The following IMPG1 variants were observed in gnomAD, a reference collection of about 807,000 sequenced individuals.
IMPG1 encodes interphotoreceptor matrix proteoglycan 1, also known as interphotoreceptor matrix proteoglycan of 150 kDa.
In IMPG1, 85 loss-of-function variants were observed where a neutral mutation model predicts 92.0. The observed-to-expected ratio is 0.92, with a 90% CI of 0.78 to 1.11. The LOEUF (loss-of-function observed/expected upper bound fraction) is 1.11. Ranked by LOEUF, IMPG1 falls within the 50% of genes least tolerant of loss-of-function variation. The probability of loss-of-function intolerance (pLI) is 0.00; values close to 1 mark genes in which losing one functional copy is unlikely to be tolerated. For missense variants in IMPG1, 1,022 were observed against 956.0 expected, an observed-to-expected ratio of 1.07 and a Z score of -0.91; for synonymous variants, 367 against 334.1, an observed-to-expected ratio of 1.10 and a Z score of -1.08.
At chr6:76,062,264 G>A (rs577681945) in intron 1 of IMPG1, among the ~76,000 whole-genome samples, 34 of 152,278 alleles carry the variant, frequency 2.2e-4, no homozygotes, top group African/African-American at 8.2e-4. Context: ...TTATTGCAAT[G>A]TTATTTGCCA....
intron 12 of IMPG1, among the ~76,000 whole-genome samples, chr6:75,963,565 A>G (rs1395980735): frequency 1.3e-5 from 2 of 152,262 alleles, no homozygotes; most frequent in Non-Finnish European, 2.9e-5. Flanking sequence ...TGTCCTTTCA[A>G]TAAAAAGCTG....
intron 2 of IMPG1, among the ~76,000 whole-genome samples, chr6:76,040,474 G>A (rs533231918): frequency 3.3e-5 from 5 of 152,280 alleles, no homozygotes; most frequent in African/African-American, 9.6e-5. Flanking sequence ...AGGCACACTC[G>A]AAATTAGTAA....
Position 75,950,983 on chromosome 6 carries a change from A to G in IMPG1, c.1403T>C (p.Met468Thr), listed in dbSNP as rs751382881. The G allele has an allele frequency of 6.2e-7, 1 of 1,613,936 alleles. No homozygotes were observed. The highest frequency in any genetic ancestry group is 1.7e-5 in the Admixed American group (1 of 59,984). Residue 468 changes from methionine (M) to threonine (T), a missense_variant, in exon 13 of 17, where the codon ATG becomes ACG. Coordinates refer to ENST00000369950, the MANE Select transcript of IMPG1 (RefSeq NM_001563.4). ...TACTAGCATTGTCTGGTCAGTGGCCATTGTATCTGTGGTGCCTTGATCAGT... is the reference window on the plus strand; with the variant it reads ...TACTAGCATTGTCTGGTCAGTGGCCGTTGTATCTGTGGTGCCTTGATCAGT... ...SLTDQGTTDT[M>T]ATDQTMLVPG...
intron 12 of IMPG1, among the ~76,000 whole-genome samples, chr6:75,980,883 T>A (rs1163536406): frequency 6.6e-6 from 1 of 152,196 alleles, no homozygotes; most frequent in Non-Finnish European, 1.5e-5. Context: ...TAGAGAACCC[T>A]GTGTGTTGGA....
At chr6:75,928,633 T>C (rs951200366) in intron 15 of IMPG1, 5 of 152,212 alleles carry the variant, frequency 3.3e-5, no homozygotes, top group African/African-American at 1.2e-4. Context: ...AAAAAAAATG[T>C]ACACAAGTGA....
At chr6:75,931,991 G>A (rs1169169822) in intron 14 of IMPG1, among the ~76,000 whole-genome samples, 5 of 152,346 alleles carry the variant, frequency 3.3e-5, no homozygotes, top group East Asian at 3.9e-4. Context: ...AACCAGAACA[G>A]GCCTCTTGTC....
chr6:76,065,160 G>A (rs144190069), intron 1 of IMPG1, among the ~76,000 whole-genome samples: 2 of 152,214 alleles, frequency 1.3e-5, no homozygotes, highest in African/African-American at 4.8e-5. Context: ...AAGAAACTCT[G>A]TGAAACTCTG....
chr6:76,032,391 A>C (rs1783666967), intron 4 of IMPG1, among the ~76,000 whole-genome samples: 1 of 152,190 alleles, frequency 6.6e-6, no homozygotes, highest in Admixed American at 6.5e-5. Context: ...TTTGTGAGCA[A>C]AGGTAATACT....
intron 12 of IMPG1, among the ~76,000 whole-genome samples, chr6:75,965,553 T>G (rs1782292070): frequency 6.6e-6 from 1 of 151,940 alleles, no homozygotes; most frequent in African/African-American, 2.4e-5. Context: ...GCTCATTTTC[T>G]ACTGGAATTT....
Position 76,060,214 on chromosome 6 carries a change from T to C in IMPG1, c.67+12208A>G, listed in dbSNP as rs539369983. On this transcript the variant is annotated intron_variant, in intron 1 of 16. Transcript: ENST00000369950. Reference sequence around the variant, plus strand: ...CTTTACAAAGGCACACAGAAAGACATTGTTTCCTCAAGAATGAGTGAATGT... The same window carrying C: ...CTTTACAAAGGCACACAGAAAGACACTGTTTCCTCAAGAATGAGTGAATGT... 3.3e-5 allele frequency among the ~76,000 whole-genome samples: 5 copies of C among 152,318 alleles called. 1 individual carries two copies. The highest frequency in any genetic ancestry group is 9.6e-5 in the African/African-American group (4 of 41,586).
At chr6:75,944,676 A>G (rs989208252) in intron 14 of IMPG1, among the ~76,000 whole-genome samples, 1 of 152,242 alleles carries the variant, frequency 6.6e-6, no homozygotes, top group African/African-American at 2.4e-5. Flanking sequence ...AGTATGAACT[A>G]TAAGTTCACC....
At chr6:75,960,349 G>A (rs1180185773) in intron 12 of IMPG1, among the ~76,000 whole-genome samples, 1 of 152,160 alleles carries the variant, frequency 6.6e-6, no homozygotes, top group Non-Finnish European at 1.5e-5. Context: ...GATGTTTTTT[G>A]TGACATCTTA....
chr6:76,003,859 G>A lies in IMPG1; in HGVS notation c.1212+15C>T. On this transcript the variant is annotated intron_variant, in intron 11 of 16. Coordinates refer to ENST00000369950, the MANE Select transcript of IMPG1 (RefSeq NM_001563.4). ...CTTTGTTCCTAGTTAAAGAACAAAA[G>A]GACAACAAACTTACCTCTGTTATAA... is the stretch of plus-strand genomic sequence containing the variant. 1.3e-6 allele frequency: 2 copies of A among 1,597,128 alleles called. No individual in the cohort carries two copies. Among genetic ancestry groups the A allele is most frequent in the Non-Finnish European group, 1.7e-6 (2 of 1,167,900 alleles).
intron 12 of IMPG1, among the ~76,000 whole-genome samples, chr6:76,001,741 C>G (rs999804819): frequency 6.6e-6 from 1 of 152,178 alleles, no homozygotes. Context: ...GAAAAGCTGT[C>G]CCTGCTGATC....
chr6:76,049,364 T>C (rs1783998038), intron 1 of IMPG1, among the ~76,000 whole-genome samples: 1 of 152,204 alleles, frequency 6.6e-6, no homozygotes. Flanking sequence ...AAAAGATTTG[T>C]CTTTCCCTCC....
At chr6:75,990,768 A>G (rs1189952094) in intron 12 of IMPG1, among the ~76,000 whole-genome samples, 3 of 152,162 alleles carry the variant, frequency 2.0e-5, no homozygotes, top group Non-Finnish European at 4.4e-5. Flanking sequence ...AACTGCATGC[A>G]ACTTGCAATC....
At chr6:76,004,435 T>C (rs1783054532) in intron 10 of IMPG1, among the ~76,000 whole-genome samples, 1 of 152,222 alleles carries the variant, frequency 6.6e-6, no homozygotes, top group Non-Finnish European at 1.5e-5. Flanking sequence ...GTTGACCTTT[T>C]CTTGCCTATG....
At chr6:76,037,295 C>T (rs1783758077) in intron 2 of IMPG1, among the ~76,000 whole-genome samples, 1 of 152,152 alleles carries the variant, frequency 6.6e-6, no homozygotes, top group African/African-American at 2.4e-5. Flanking sequence ...CCAGCAGCAA[C>T]CTGACCAGAA....
intron 9 of IMPG1, among the ~76,000 whole-genome samples, chr6:76,007,110 G>A (rs1783111549): frequency 6.6e-6 from 1 of 152,088 alleles, no homozygotes. Flanking sequence ...CCAGACTTAG[G>A]TTGATTCCAT....
Sources: allele counts gnomAD v4.1 joint callset (sites outside exome capture counted in the v4.1 genomes callset), GRCh38; gene constraint gnomAD v4.1.1; transcripts MANE v1.5; gene names NCBI Gene and HGNC (gene_info 2026-07-23, HGNC 2026-07-21).